Variants in CFAP65 observed in about 807,000 individuals in gnomAD.
The protein encoded by CFAP65 is cilia and flagella associated protein 65.
Under a neutral mutation model 208.0 loss-of-function variants are expected in CFAP65, and 155 were observed. The ratio of observed to expected loss-of-function variants is 0.75; its 90% CI spans 0.65 to 0.85. The LOEUF is 0.85. Among genes scored for constraint, CFAP65 ranks in the 40% least tolerant of loss-of-function variants. The probability of loss-of-function intolerance (pLI) is 0.00; values close to 1 mark genes in which losing one functional copy is unlikely to be tolerated. For missense variants in CFAP65, 2,294 were observed against 2,451.3 expected, an observed-to-expected ratio of 0.94 and a Z score of 1.36; for synonymous variants, 970 against 986.3, an observed-to-expected ratio of 0.98 and a Z score of 0.31.
intron 19 of CFAP65, 30 bp from the exon 20 acceptor site, chr2:219,019,749 G>A (rs780408889): frequency 6.3e-7 from 1 of 1,597,350 alleles, no homozygotes; most frequent in South Asian, 1.1e-5. Flanking sequence ...AGACAGAAGT[G>A]GGCTTGCCTC....
intron 5 of CFAP65, among the ~76,000 whole-genome samples, chr2:219,033,080 T>A (rs1948152490): frequency 6.6e-6 from 1 of 152,230 alleles, no homozygotes; most frequent in East Asian, 1.9e-4. Context: ...AAAAAATTGC[T>A]ATAAAATATA....
rs531797410 is a variant in CFAP65, at chr2:219,030,140, G to T, written c.1230C>A (p.Pro410=). The T allele has an allele frequency of 4.3e-6, 7 of 1,614,020 alleles. No homozygotes were observed. In the African/African-American group the frequency reaches 5.3e-5, roughly 12 times the overall value. Residue 410 remains proline (P), a synonymous_variant, in exon 10 of 35, where the codon CCC becomes CCA. Coordinates refer to ENST00000341552, the MANE Select transcript of CFAP65 (RefSeq NM_194302.4). ...ELAEDQAFSC[P]TAHGIVLPGE... is the part of the protein sequence containing the mutation. ...CCGGAAGCACGATGCCATGGGCCGT[G>T]GGGCATGAGAAGGCCTGGTCTTCGG...
intron 21 of CFAP65, chr2:219,015,579 C>T (rs1946821356): frequency 6.6e-6 from 1 of 152,250 alleles, no homozygotes; most frequent in African/African-American, 2.4e-5. Context: ...CAGACTCAAA[C>T]ATAGGTGGGT....
intron 5 of CFAP65, 107 bp downstream of exon 5, chr2:219,035,373 T>C: frequency 6.3e-7 from 1 of 1,599,004 alleles, no homozygotes; most frequent in South Asian, 1.1e-5. Flanking sequence ...CTGGCTTTTA[T>C]ATGGCATGTT....
In CFAP65 at chr2:219,006,233, G is replaced by A. The variant is rs1945967733; in HGVS notation, c.4720-10C>T. 2 of 1,602,670 alleles carry A rather than the reference G, an allele frequency of 1.2e-6. No individual in the cohort carries two copies. Among genetic ancestry groups the A allele is most frequent in the Non-Finnish European group, 1.7e-6 (2 of 1,172,308 alleles). The stretch of plus-strand genomic sequence containing the variant: ...TGATGGGAGGCAGTGTCTTTGGGAA[G>A]GGAGGGACATGGATGACAAGGGTTT... On this transcript the variant is annotated splice_polypyrimidine_tract_variant and intron_variant, in intron 30 of 34. Transcript: ENST00000341552.
In CFAP65 at chr2:219,038,516, T is replaced by C. The variant is rs755485256; in HGVS notation, c.216A>G (p.Pro72=). 1.2e-6 allele frequency: 2 copies of C among 1,614,158 alleles called. No homozygotes were observed. Among genetic ancestry groups the C allele is most frequent in the Admixed American group, 3.3e-5 (2 of 60,030 alleles). Reference sequence around the variant, plus strand: ...TGTTCCTGGACCTCACGACGGAGCTTGGAGCCTGGGTGAGCATCATGTCCT... The same window carrying C: ...TGTTCCTGGACCTCACGACGGAGCTCGGAGCCTGGGTGAGCATCATGTCCT... ...CPKDMMLTQA[P]SSVVRSRNSR... Residue 72 remains proline, a synonymous_variant, in exon 4 of 35, where the codon CCA becomes CCG. Coordinates refer to ENST00000341552, the MANE Select transcript of CFAP65 (RefSeq NM_194302.4).
In CFAP65 at chr2:219,004,963, C is replaced by CTCTT. The variant is rs969919196; in HGVS notation, c.5051+467_5051+470dup. On this transcript the variant is annotated intron_variant, in intron 32 of 34. Transcript: ENST00000341552. This position sits in a 1 kb window ranked among gnomAD's most constrained non-coding sequence, Gnocchi z 4.7. ...TCTTTCTTTCTTTCTTTCTTTCTCTCTCTTTCTTTCTTTCTCTCTTTCTGT... is the reference window on the plus strand; with the variant it reads ...TCTTTCTTTCTTTCTTTCTTTCTCTCTCTTTCTTTCTTTCTTTCTCTCTTTCTGT... 1.4e-5 allele frequency among the ~76,000 whole-genome samples: 2 copies of CTCTT among 139,992 alleles called. No individual in the cohort carries two copies. Among genetic ancestry groups the CTCTT allele is most frequent in the Admixed American group, 6.9e-5 (1 of 14,404 alleles). 91.8% of individuals were successfully genotyped at this position (139,992 alleles called of 152,430 possible). A position where few individuals can be genotyped will look rare whatever the true frequency, so the allele number is the denominator to read the frequency against.
intron 24 of CFAP65, among the ~76,000 whole-genome samples, chr2:219,012,188 A>G (rs1946535965): frequency 6.6e-6 from 1 of 152,228 alleles, no homozygotes; most frequent in Non-Finnish European, 1.5e-5. Flanking sequence ...AAGCCACCCA[A>G]TCTATGGTAA....
At position 219,004,166 on chromosome 2, in the gene CFAP65, C is replaced by T. The variant is rs1269179049; in HGVS notation, c.5341G>A (p.Glu1781Lys). ...EEEELEEEEE[E>K]EEETEEEELG... Reference sequence around the variant, plus strand: ...TCCTCCTCTTCTGTCTCCTCTTCTTCCTCCTCTTCCTCCTCCAACTCTTCT... The same window carrying T: ...TCCTCCTCTTCTGTCTCCTCTTCTTTCTCCTCTTCCTCCTCCAACTCTTCT... Residue 1781 changes from glutamate to lysine, a missense_variant, in exon 33 of 35, where the codon GAA becomes AAA. By Grantham distance (56) the Glu-to-Lys change is moderately conservative. Transcript: ENST00000341552. The surrounding 1 kb of genome is among the most constrained non-coding windows in gnomAD (Gnocchi z 4.7). 2 of 1,613,946 alleles carry T rather than the reference C, an allele frequency of 1.2e-6. No individual in the cohort carries two copies.
chr2:219,022,525 T>G (rs1009253322), intron 16 of CFAP65, among the ~76,000 whole-genome samples, 196 bp from the exon 17 acceptor site: 2 of 152,192 alleles, frequency 1.3e-5, no homozygotes, highest in Non-Finnish European at 2.9e-5. Flanking sequence ...GGGTCAGTAG[T>G]ATTATTTCCA....
At position 219,004,989 on chromosome 2, in the gene CFAP65, C is replaced by G. The variant is rs970317698; in HGVS notation, c.5051+445G>C. 7.1e-6 allele frequency among the ~76,000 whole-genome samples: 1 copy of G among 141,216 alleles called. No individual in the cohort carries two copies. The highest frequency in any genetic ancestry group is 2.7e-5 in the African/African-American group (1 of 36,762). The allele number at this position is 141,216 out of a possible 152,430, so 92.6% of individuals were successfully genotyped here. The stretch of plus-strand genomic sequence containing the variant: ...TCTTTCTTTCTTTCTCTCTTTCTGT[C>G]TTTGTCTCTTTCTTTCTTTCTCTTT... On this transcript the variant is annotated intron_variant, in intron 32 of 34. Transcript: ENST00000341552. This position sits in a 1 kb window ranked among gnomAD's most constrained non-coding sequence, Gnocchi z 4.7.
Position 219,027,949 on chromosome 2 carries a change from A to G in CFAP65, c.1912T>C (p.Phe638Leu), listed in dbSNP as rs1947752753. The change falls in exon 13 of 35, where the codon TTC becomes CTC. Residue 638 changes from phenylalanine to leucine, a missense_variant. Physicochemically the swap from Phe to Leu is conservative, Grantham distance 22. Coordinates refer to ENST00000341552, the MANE Select transcript of CFAP65 (RefSeq NM_194302.4). ...PYIPPMTEFF[F>L]DGTSDITIFP... is the part of the protein sequence containing the mutation. ...ATGGTTATGTCGCTGGTGCCGTCGA[A>G]GAAGAACTCGGTCATGGGGGGGATA... 1 of 1,520,302 alleles carries G rather than the reference A, an allele frequency of 6.6e-7. No individual in the cohort carries two copies. The highest frequency in any genetic ancestry group is 8.8e-7 in the Non-Finnish European group (1 of 1,134,908). The allele number at this position is 1,520,302 out of a possible 1,614,324, so 94.2% of individuals were successfully genotyped here. A position where few individuals can be genotyped will look rare whatever the true frequency, so the allele number is the denominator to read the frequency against.
Position 219,006,061 on chromosome 2 carries a change from C to T in CFAP65, c.4882G>A (p.Ala1628Thr). 2 of 1,613,400 alleles carry T rather than the reference C, an allele frequency of 1.2e-6. No homozygotes were observed. The highest frequency in any genetic ancestry group is 2.2e-5 in the South Asian group (2 of 91,076). ...ARAHATDYFL[A>T]NFFSEFPCHF... ...CAGGGAAACTCTGAGAAGAAGTTAGCCAGAAAGTAGTCGGTGGCATGGGCT... is the reference window on the plus strand; with the variant it reads ...CAGGGAAACTCTGAGAAGAAGTTAGTCAGAAAGTAGTCGGTGGCATGGGCT... The change falls in exon 31 of 35, where the codon GCT becomes ACT. Residue 1628 changes from alanine to threonine, a missense_variant. Physicochemically the swap from Ala to Thr is moderately conservative, Grantham distance 58. Transcript: ENST00000341552.
In CFAP65 at chr2:219,032,436, C is replaced by T; in HGVS notation, c.645+34G>A. 1 of 1,538,294 alleles carries T rather than the reference C, an allele frequency of 6.5e-7. No homozygotes were observed. The highest frequency in any genetic ancestry group is 8.8e-7 in the Non-Finnish European group (1 of 1,135,382). ...GTTCTGAGGTCACTGCTCCCAGGTA[C>T]CTCCCTGCCCTCACTCGCTGTGGCA... is the stretch of plus-strand genomic sequence containing the variant. On this transcript the variant is annotated intron_variant, in intron 6 of 34. Coordinates refer to ENST00000341552, the MANE Select transcript of CFAP65 (RefSeq NM_194302.4). The surrounding 1 kb of genome is among the most constrained non-coding windows in gnomAD (Gnocchi z 5.5).
At chr2:219,021,124 G>T in intron 19 of CFAP65, 28 bp downstream of exon 19, 2 of 1,478,046 alleles carry the variant, frequency 1.4e-6, no homozygotes, top group South Asian at 1.5e-5. Context: ...CCCCGGCCCC[G>T]ACTCTCTATG....
At chr2:219,030,543 C>A in intron 9 of CFAP65, 146 bp downstream of exon 9, 1 of 1,117,832 alleles carries the variant, frequency 8.9e-7, no homozygotes. Context: ...AGGAGAAGGA[C>A]ACACCTGTTG....
intron 13 of CFAP65, chr2:219,027,289 C>T (rs1947693093): frequency 1.5e-6 from 2 of 1,375,826 alleles, no homozygotes; most frequent in South Asian, 4.0e-5. Context: ...CCGCTCAAAG[C>T]TCCTTTAGAG....
chr2:219,027,693 T>G lies in CFAP65; in HGVS notation c.2168A>C (p.Asn723Thr), dbSNP rs769982910. Reference protein sequence around the residue: ...MRLHFQPPHPNCLYTVELEAF... With the variant: ...MRLHFQPPHPTCLYTVELEAF... ...TTCGAGCTCCACCGTGTAAAGGCAG[T>G]TGGGGTGAGGCGGCTGGAAGTGCAG... Residue 723 changes from asparagine to threonine, a missense_variant, in exon 13 of 35, where the codon AAC (asparagine) becomes ACC (threonine). This residue lies in a region of CFAP65 where 867 missense variants were observed against 1,012.6 expected (regional missense o/e 0.86). Coordinates refer to ENST00000341552, the MANE Select transcript of CFAP65 (RefSeq NM_194302.4). 1 of 1,613,986 alleles carries G rather than the reference T, an allele frequency of 6.2e-7. No individual in the cohort carries two copies. Among genetic ancestry groups the G allele is most frequent in the Non-Finnish European group, 8.5e-7 (1 of 1,180,014 alleles).
At chr2:219,019,475 A>T in intron 20 of CFAP65, 31 bp downstream of exon 20, 1 of 1,578,930 alleles carries the variant, frequency 6.3e-7, no homozygotes, top group Non-Finnish European at 8.7e-7. Flanking sequence ...CCCTGCCCCC[A>T]GCCCCCACCC....
Sources: gnomAD v4.1 joint callset for allele counts (sites outside exome capture counted in the v4.1 genomes callset) on GRCh38, gnomAD v4.1.1 for gene constraint, gnomAD v4.1.1 regional missense constraint, Gnocchi (gnomAD v3.1) non-coding constraint, MANE v1.5 for transcripts, NCBI Gene and HGNC (gene_info 2026-07-23, HGNC 2026-07-21) for gene names.